The following ANXA2 variants were observed in gnomAD, a reference collection of about 807,000 sequenced individuals.
ANXA2 encodes annexin A2.
Under a neutral mutation model 47.3 loss-of-function variants are expected in ANXA2, and 28 were observed. That is an observed-to-expected ratio of 0.59 (90% CI 0.44 to 0.81). ANXA2 has a LOEUF of 0.81. ANXA2 is among the 40% of genes least tolerant of loss of function. The probability of loss-of-function intolerance (pLI) is 0.00; values close to 1 mark genes in which losing one functional copy is unlikely to be tolerated. For synonymous variants in ANXA2, 172 were observed against 155.5 expected (o/e 1.11, Z -0.79); for missense variants, 384 against 414.3 (o/e 0.93, Z 0.64).
intron 1 of ANXA2, chr15:60,393,356 G>A (rs2063039727): frequency 1.0e-6 from 1 of 999,420 alleles, no homozygotes; most frequent in Admixed American, 6.0e-5. Flanking sequence ...CACTTTCAGG[G>A]TTGGGAAATC....
intron 2 of ANXA2, chr15:60,383,537 A>C (rs942539684): frequency 6.6e-6 from 1 of 152,194 alleles, no homozygotes; most frequent in Non-Finnish European, 1.5e-5. Flanking sequence ...TTCTCCTTTC[A>C]AGGTATTAAC....
At chr15:60,380,796 C>A (rs1399480772) in intron 3 of ANXA2, among the ~76,000 whole-genome samples, 1 of 115,442 alleles carries the variant, frequency 8.7e-6, no homozygotes, top group Non-Finnish European at 1.7e-5. Flanking sequence ...AAGAGTGAAA[C>A]TCCATCTCAA....
intron 1 of ANXA2, 142 bp from the exon 2 acceptor site, chr15:60,386,228 C>A: frequency 1.6e-6 from 1 of 633,248 alleles, no homozygotes; most frequent in East Asian, 2.8e-5. Flanking sequence ...GATGCAATTC[C>A]CATCTTACGA....
rs140084884 is a variant in ANXA2, at chr15:60,363,830, G to C, written c.243+599C>G. On this transcript the variant is annotated intron_variant, in intron 4 of 12. Transcript: ENST00000451270. ...AGGAGCTTGTTAGGATCAACACTCA[G>C]TGGAGGCTAGTATCCTAAAATTAAA... 2.8e-4 allele frequency among the ~76,000 whole-genome samples: 42 copies of C among 152,312 alleles called. 1 individual carries two copies. The highest frequency in any genetic ancestry group is 3.4e-3 in the Middle Eastern group (1 of 294).
At chr15:60,354,507 GT>G (rs1324979557) in intron 7 of ANXA2, among the ~76,000 whole-genome samples, 1 of 150,944 alleles carries the variant, frequency 6.6e-6, no homozygotes, top group Non-Finnish European at 1.5e-5. Flanking sequence ...GCACATGCCT[GT>G]AGTCCCAGCT....
chr15:60,380,193 C>A (rs1261097673), intron 3 of ANXA2, among the ~76,000 whole-genome samples: 2 of 152,226 alleles, frequency 1.3e-5, no homozygotes, highest in South Asian at 4.2e-4. Flanking sequence ...ATTTTGAGTA[C>A]CATCTATATG....
intron 3 of ANXA2, among the ~76,000 whole-genome samples, chr15:60,376,104 G>A (rs773778161): frequency 2.0e-5 from 3 of 152,076 alleles, no homozygotes; most frequent in Middle Eastern, 3.2e-3. Context: ...TAGGCCAGGC[G>A]CAGTGGCTCA....
intron 1 of ANXA2, among the ~76,000 whole-genome samples, chr15:60,389,403 A>C (rs572225858): frequency 1.3e-5 from 2 of 152,188 alleles, no homozygotes; most frequent in Non-Finnish European, 2.9e-5. Context: ...TGTTCTTTCA[A>C]GTTGTCTTTC....
rs763272151 is a variant in ANXA2 at position 60,355,943 on chromosome 15, G to A, written c.504C>T (p.Arg168=). The A allele has an allele frequency of 3.7e-6, 6 of 1,614,002 alleles. No homozygotes were observed. The highest frequency in any genetic ancestry group is 2.2e-5 in the East Asian group (1 of 44,898). ...DIISDTSGDF[R]KLMVALAKGR... is the part of the protein sequence containing the mutation. ...CCTTTGCCAGGGCAACCATCAGCTT[G>A]CGGAAGTCACCAGATGTGTCCGAAA... The change falls in exon 7 of 13, where the codon CGC becomes CGT. Residue 168 remains arginine (R), a synonymous_variant. Transcript: ENST00000451270.
chr15:60,349,672 C>T (rs1700086703), intron 11 of ANXA2, among the ~76,000 whole-genome samples: 2 of 150,310 alleles, frequency 1.3e-5, no homozygotes, highest in Non-Finnish European at 2.9e-5. Flanking sequence ...TAACCGAACA[C>T]TACTTGTTTC....
chr15:60,355,340 C>A, intron 7 of ANXA2: 1 of 168,970 alleles, frequency 5.9e-6, no homozygotes, highest in Non-Finnish European at 1.3e-5. Flanking sequence ...GTGGGCCGGA[C>A]GCACTATCTG....
chr15:60,378,908 G>A (rs758208882), intron 3 of ANXA2, among the ~76,000 whole-genome samples: 40 of 152,176 alleles, frequency 2.6e-4, no homozygotes, highest in Non-Finnish European at 2.9e-5. Context: ...AGAGGTTGCA[G>A]TGAGCCGAGA....
chr15:60,386,714 TG>T (rs2062938443), intron 1 of ANXA2: 1 of 152,240 alleles, frequency 6.6e-6, no homozygotes. Context: ...ATGGTTGAAA[TG>T]AAGTCATCTT....
At chr15:60,364,408 C>T (rs1428478478) in intron 4 of ANXA2, 21 bp downstream of exon 4, 1 of 1,590,744 alleles carries the variant, frequency 6.3e-7, no homozygotes, top group Admixed American at 1.7e-5. Context: ...AAATGCCCTC[C>T]ATCCCTGGAA....
Position 60,352,486 on chromosome 15 carries a change from CA to C in ANXA2, c.589-11del. On this transcript the variant is annotated splice_polypyrimidine_tract_variant and intron_variant, in intron 8 of 12. Coordinates refer to ENST00000451270, the MANE Select transcript of ANXA2 (RefSeq NM_004039.3). This position sits in a 1 kb window ranked among gnomAD's most constrained non-coding sequence, Gnocchi z 4.2. ...CAGCGTCATAGAGATCCTACGAGTA[CA>C]ACCAACCAGGAAAAGTTAACTACAC... 1.2e-6 allele frequency: 2 copies of C among 1,603,162 alleles called. No individual in the cohort carries two copies. Among genetic ancestry groups the C allele is most frequent in the Non-Finnish European group, 1.7e-6 (2 of 1,171,790 alleles).
chr15:60,364,568 A>G (rs760963653), intron 3 of ANXA2, 45 bp from the exon 4 acceptor site: 1 of 1,504,076 alleles, frequency 6.6e-7, no homozygotes, highest in South Asian at 1.2e-5. Flanking sequence ...ATACTCTAGT[A>G]TTTTGGGCTT....
chr15:60,377,000 G>A (rs1010619194), intron 3 of ANXA2, among the ~76,000 whole-genome samples: 2 of 152,242 alleles, frequency 1.3e-5, no homozygotes, highest in African/African-American at 2.4e-5. Context: ...GAGAGAAAGA[G>A]GGCCAGTCAT....
intron 2 of ANXA2, chr15:60,385,747 C>T (rs2062923761): frequency 8.5e-6 from 3 of 354,072 alleles, no homozygotes; most frequent in South Asian, 1.1e-4. Context: ...ACAGTTATTA[C>T]CAATGACATG....
At position 60,386,193 on chromosome 15, in the gene ANXA2, G is replaced by A. The variant is rs565573501; in HGVS notation, c.-11-107C>T. ...TACTCCTTGGACCATTTCATCTGAC[G>A]ATATTGGAGTAGTTTTTGCAAACAG... On this transcript the variant is annotated intron_variant, in intron 1 of 12. Transcript: ENST00000451270. 237 of 761,638 alleles carry A rather than the reference G, an allele frequency of 3.1e-4. 1 individual carries two copies. The African/African-American group carries it at 3.9e-3, about 12-fold the overall frequency. 47.2% of individuals were successfully genotyped at this position (761,638 alleles called of 1,614,324 possible).
Sources: allele counts gnomAD v4.1 joint callset (sites outside exome capture counted in the v4.1 genomes callset), GRCh38; gene constraint gnomAD v4.1.1; non-coding constraint Gnocchi (gnomAD v3.1); transcripts MANE v1.5; gene names NCBI Gene and HGNC (gene_info 2026-07-23, HGNC 2026-07-21).